SURF4: variants seen among roughly 807,000 people sequenced by gnomAD.
The protein encoded by SURF4 is surfeit 4, also known as surfeit locus protein 4.
Under a neutral mutation model 30.0 loss-of-function variants are expected in SURF4, and 3 were observed. The ratio of observed to expected loss-of-function variants is 0.10; its 90% CI spans 0.05 to 0.26. The LOEUF (loss-of-function observed/expected upper bound fraction) is 0.26, where lower values mean the gene tolerates loss of function less well. SURF4 is among the 10% of genes least tolerant of loss of function. The probability of loss-of-function intolerance (pLI) is 1.00; values close to 1 mark genes in which losing one functional copy is unlikely to be tolerated. For synonymous variants in SURF4, 143 were observed against 139.9 expected (o/e 1.02, Z -0.16); for missense variants, 217 against 350.8 (o/e 0.62, Z 3.05).
chr9:133,370,796 C>G (rs2130182421), intron 1 of SURF4: 6 of 1,097,828 alleles, frequency 5.5e-6, no homozygotes, highest in Admixed American at 2.3e-5. Flanking sequence ...CCCCTCCCCC[C>G]CATTAGAGAA....
intron 1 of SURF4, chr9:133,375,475 G>A (rs1376996474): frequency 2.1e-6 from 2 of 960,402 alleles, no homozygotes; most frequent in East Asian, 2.3e-4. Context: ...GAGGACCCCC[G>A]GCCCCCGTTC....
rs1836876683 is a variant in SURF4, at chr9:133,362,500, T to C, written c.*993A>G. ...GGGCTGTCCACAGGGCGAGTGCAGCTGGGAAAGGGCGGTGCTGCTCAGCCA... is the reference window on the plus strand; with the variant it reads ...GGGCTGTCCACAGGGCGAGTGCAGCCGGGAAAGGGCGGTGCTGCTCAGCCA... On this transcript the variant is annotated 3_prime_UTR_variant, in exon 6 of 6. Transcript: ENST00000371989. 6.6e-6 allele frequency: 1 copy of C among 152,662 alleles called. No individual in the cohort carries two copies. The highest frequency in any genetic ancestry group is 1.5e-5 in the Non-Finnish European group (1 of 68,076). 9.5% of individuals were successfully genotyped at this position (152,662 alleles called of 1,614,324 possible). A position where few individuals can be genotyped will look rare whatever the true frequency, so the allele number is the denominator to read the frequency against.
intron 1 of SURF4, among the ~76,000 whole-genome samples, chr9:133,370,013 G>A (rs1837407918): frequency 6.6e-6 from 1 of 152,184 alleles, no homozygotes; most frequent in African/African-American, 2.4e-5. Flanking sequence ...GACACCAGAG[G>A]TGTTCTGACT....
intron 1 of SURF4, among the ~76,000 whole-genome samples, chr9:133,371,585 G>A (rs2130190585): frequency 1.3e-5 from 2 of 152,300 alleles, no homozygotes; most frequent in East Asian, 3.9e-4. Context: ...TCTGCTCCTC[G>A]CCCGCACTCC....
intron 5 of SURF4, among the ~76,000 whole-genome samples, chr9:133,364,239 G>A (rs191073933): frequency 8.5e-5 from 13 of 152,248 alleles, no homozygotes; most frequent in Non-Finnish European, 1.8e-4. Flanking sequence ...CGAACAGTGA[G>A]GAAAGAAAGA....
chr9:133,370,917 G>A (rs1049463021), intron 1 of SURF4: 6 of 1,289,676 alleles, frequency 4.7e-6, no homozygotes, highest in South Asian at 1.2e-5. Context: ...CGAGAACCGC[G>A]CCATCAAGCA....
At chr9:133,376,326 G>C, upstream of SURF4, 1 of 1,363,490 alleles carries the variant, frequency 7.3e-7, no homozygotes, top group Non-Finnish European at 9.4e-7. Flanking sequence ...AAGGGGGCGG[G>C]GACCTGGGGG....
rs2130097825 is a variant in SURF4 at position 133,363,997 on chromosome 9, C to A, written c.544-238G>T. The A allele has an allele frequency of 5.7e-6, 4 of 707,836 alleles. No individual in the cohort carries two copies. Among genetic ancestry groups the A allele is most frequent in the Non-Finnish European group, 1.0e-5 (4 of 382,752 alleles). 43.8% of individuals were successfully genotyped at this position (707,836 alleles called of 1,614,324 possible). A position where few individuals can be genotyped will look rare whatever the true frequency, so the allele number is the denominator to read the frequency against. The stretch of plus-strand genomic sequence containing the variant: ...GAAGACTGAAGTTCCCAACTAGTAA[C>A]AGGCTGTGATTTACCAAGATGAATC... On this transcript the variant is annotated intron_variant, in intron 5 of 5. Transcript: ENST00000371989. This position sits in a 1 kb window ranked among gnomAD's most constrained non-coding sequence, Gnocchi z 4.3.
In SURF4 at chr9:133,375,903, A is replaced by G; in HGVS notation, c.48+19T>C. ...CCTGGGTCGGGACCGGGGCCGGGGG[A>G]GGAGCCCGCAGGCCGCACCTGGTCG... On this transcript the variant is annotated intron_variant, in intron 1 of 5. Coordinates refer to ENST00000371989, the MANE Select transcript of SURF4 (RefSeq NM_033161.4). The G allele has an allele frequency of 8.2e-7, 1 of 1,223,066 alleles. No individual in the cohort carries two copies. The highest frequency in any genetic ancestry group is 1.0e-6 in the Non-Finnish European group (1 of 979,912). 75.8% of individuals were successfully genotyped at this position (1,223,066 alleles called of 1,614,324 possible).
chr9:133,371,117 A>C (rs988932871), intron 1 of SURF4: 4 of 985,334 alleles, frequency 4.1e-6, no homozygotes, highest in Non-Finnish European at 4.8e-6. Context: ...CACGCCACAC[A>C]GAAAACTCCA....
upstream of SURF4, chr9:133,376,478 T>C: frequency 6.3e-7 from 1 of 1,588,976 alleles, no homozygotes; most frequent in Non-Finnish European, 8.5e-7. Flanking sequence ...CTGATCATGC[T>C]TGGGCCAGGG....
intron 2 of SURF4, among the ~76,000 whole-genome samples, chr9:133,366,883 G>A (rs1053088707): frequency 6.6e-6 from 1 of 152,158 alleles, no homozygotes; most frequent in Admixed American, 6.5e-5. Flanking sequence ...AGAAAGTGGA[G>A]CCCTTGCCGT....
intron 1 of SURF4, among the ~76,000 whole-genome samples, chr9:133,368,003 A>G (rs2130153168): frequency 1.3e-5 from 2 of 152,228 alleles, no homozygotes; most frequent in Non-Finnish European, 2.9e-5. Context: ...ACATGCCAGC[A>G]GCAGCCTCCC....
chr9:133,375,540 G>A (rs1227722611), intron 1 of SURF4, among the ~76,000 whole-genome samples: 1 of 152,214 alleles, frequency 6.6e-6, no homozygotes, highest in Non-Finnish European at 1.5e-5. Context: ...AAAACGTGCG[G>A]GGACCCCCCA....
chr9:133,367,949 A>G (rs1226959716), intron 1 of SURF4, among the ~76,000 whole-genome samples: 2 of 152,246 alleles, frequency 1.3e-5, no homozygotes, highest in African/African-American at 4.8e-5. Flanking sequence ...GCCGTGGGTC[A>G]TCCTGGGTGC....
chr9:133,368,478 G>A lies in SURF4; in HGVS notation c.49-1033C>T, dbSNP rs2130159401. On this transcript the variant is annotated intron_variant, in intron 1 of 5. Transcript: ENST00000371989. ...GACTGTGTGTGCAGCAACCGTCAGC[G>A]CAGCATGAAGCTGGTACCGCTAATG... Among the ~76,000 whole-genome samples, 422 of 152,378 alleles carry A rather than the reference G, an allele frequency of 2.8e-3. 1 individual carries two copies. Among genetic ancestry groups the A allele is most frequent in the Non-Finnish European group, 3.0e-3 (207 of 68,038 alleles).
chr9:133,374,681 A>C (rs2130227507), intron 1 of SURF4, among the ~76,000 whole-genome samples: 1 of 152,378 alleles, frequency 6.6e-6, no homozygotes, highest in South Asian at 2.1e-4. Context: ...TCCAAATTTA[A>C]AATATTGGCT....
At chr9:133,368,384 T>TGGA in intron 1 of SURF4, among the ~76,000 whole-genome samples, 1 of 152,344 alleles carries the variant, frequency 6.6e-6, no homozygotes, top group Admixed American at 6.5e-5. Context: ...ATGTGTGCTG[T>TGGA]TGCAAACCAG....
chr9:133,367,721 C>T (rs1458116523), intron 1 of SURF4, among the ~76,000 whole-genome samples: 1 of 152,250 alleles, frequency 6.6e-6, no homozygotes, highest in Non-Finnish European at 1.5e-5. Context: ...TATAGGGCAG[C>T]AGCCCTAACA....
Sources: gnomAD v4.1 joint callset for allele counts (sites outside exome capture counted in the v4.1 genomes callset) on GRCh38, gnomAD v4.1.1 for gene constraint, Gnocchi (gnomAD v3.1) non-coding constraint, MANE v1.5 for transcripts, NCBI Gene and HGNC (gene_info 2026-07-23, HGNC 2026-07-21) for gene names.